The following BORCS5 variants were observed in gnomAD, a reference collection of about 807,000 sequenced individuals.
BORCS5 encodes the protein BLOC-1-related complex subunit 5.
Under a neutral mutation model 22.1 loss-of-function variants are expected in BORCS5, and 17 were observed. The ratio of observed to expected loss-of-function variants is 0.77; its 90% CI spans 0.53 to 1.15. BORCS5 has a LOEUF of 1.15. BORCS5 is among the 50% of genes most tolerant of loss of function. BORCS5 has a pLI of 0.00. For synonymous variants in BORCS5, 117 were observed against 99.8 expected, an observed-to-expected ratio of 1.17 and a Z score of -1.03; for missense variants, 247 against 253.2, an observed-to-expected ratio of 0.98 and a Z score of 0.17.
chr12:12,461,740 A>G (rs1213654884), intron 3 of BORCS5, among the ~76,000 whole-genome samples: 2 of 152,164 alleles, frequency 1.3e-5, no homozygotes, highest in African/African-American at 4.8e-5. Flanking sequence ...GAGAAGCAAC[A>G]AAGAGTGCAT....
chr12:12,437,135 A>T (rs1221175803), intron 3 of BORCS5, among the ~76,000 whole-genome samples: 3 of 152,164 alleles, frequency 2.0e-5, no homozygotes, highest in Admixed American at 6.5e-5. Context: ...CATAATTCCC[A>T]CATGTCATGG....
intron 2 of BORCS5, among the ~76,000 whole-genome samples, chr12:12,423,438 CTTTTTTTTTTTTT>C (rs939681383): frequency 0.023 from 1,323 of 57,286 alleles, 37 homozygotes; most frequent in African/African-American, 0.081. Context: ...ACTCCCTCAG[CTTTTTTTTTTTTT>C]TTTTTTTTTT....
intron 2 of BORCS5, among the ~76,000 whole-genome samples, chr12:12,385,514 CTTTT>C (rs568909483): frequency 7.0e-6 from 1 of 143,398 alleles, no homozygotes; most frequent in Non-Finnish European, 1.5e-5. Flanking sequence ...TACCCAAGTT[CTTTT>C]TTTTTTTTTG....
intron 2 of BORCS5, among the ~76,000 whole-genome samples, chr12:12,389,174 G>C (rs1345676487): frequency 1.3e-5 from 1 of 79,844 alleles, no homozygotes; most frequent in Admixed American, 1.7e-4. Flanking sequence ...TTTCATTCTT[G>C]TCGCCCAGGC....
chr12:12,358,062 T>C (rs940571403), intron 1 of BORCS5, among the ~76,000 whole-genome samples: 8 of 152,246 alleles, frequency 5.3e-5, no homozygotes, highest in African/African-American at 1.9e-4. Context: ...CCATTGTTGT[T>C]CTCTGTCCAT....
At chr12:12,364,894 G>A (rs1009621960) in intron 2 of BORCS5, among the ~76,000 whole-genome samples, 1 of 152,184 alleles carries the variant, frequency 6.6e-6, no homozygotes, top group Non-Finnish European at 1.5e-5. Context: ...TTGAGCCCTA[G>A]AGGTGGAGGT....
chr12:12,407,142 C>T (rs1173888587), intron 2 of BORCS5, among the ~76,000 whole-genome samples: 7 of 152,202 alleles, frequency 4.6e-5, no homozygotes, highest in African/African-American at 1.7e-4. Flanking sequence ...GAGTGAGGGC[C>T]TTCTCACTTT....
chr12:12,425,287 C>T (rs529601401), intron 2 of BORCS5, among the ~76,000 whole-genome samples: 4 of 152,314 alleles, frequency 2.6e-5, no homozygotes, highest in Non-Finnish European at 4.4e-5. Flanking sequence ...TCAATAGACT[C>T]TAGAGCTACA....
chr12:12,388,268 C>G (rs1458526805), intron 2 of BORCS5, among the ~76,000 whole-genome samples: 1 of 151,114 alleles, frequency 6.6e-6, no homozygotes, highest in Non-Finnish European at 1.5e-5. Context: ...AAACCACATC[C>G]TAAGACCACA....
chr12:12,434,336 CAT>C (rs1205783595), intron 2 of BORCS5, among the ~76,000 whole-genome samples: 4 of 148,428 alleles, frequency 2.7e-5, no homozygotes, highest in Non-Finnish European at 5.9e-5. Context: ...GACCTACTGT[CAT>C]ATGTATTCTG....
chr12:12,448,416 A>G (rs1942833052), intron 3 of BORCS5, among the ~76,000 whole-genome samples: 1 of 151,688 alleles, frequency 6.6e-6, no homozygotes, highest in African/African-American at 2.4e-5. Flanking sequence ...AGTTTTAACA[A>G]TGTTGGCCAG....
intron 3 of BORCS5, among the ~76,000 whole-genome samples, chr12:12,454,408 T>C (rs1425087225): frequency 6.6e-6 from 1 of 152,262 alleles, no homozygotes; most frequent in Non-Finnish European, 1.5e-5. Flanking sequence ...CTGCTTTTGA[T>C]TGCACTTTTC....
At chr12:12,381,898 T>C (rs1316982843) in intron 2 of BORCS5, among the ~76,000 whole-genome samples, 1 of 151,440 alleles carries the variant, frequency 6.6e-6, no homozygotes, top group African/African-American at 2.4e-5. Context: ...TGTTGAATTG[T>C]GTATTTTTCC....
At chr12:12,464,115 C>A (rs576068980) in intron 3 of BORCS5, among the ~76,000 whole-genome samples, 1 of 152,186 alleles carries the variant, frequency 6.6e-6, no homozygotes, top group South Asian at 2.1e-4. Context: ...CTCACTACTT[C>A]CAAAGTGCTG....
chr12:12,430,042 T>G (rs1469248471), intron 2 of BORCS5, among the ~76,000 whole-genome samples: 2 of 152,156 alleles, frequency 1.3e-5, no homozygotes, highest in African/African-American at 4.8e-5. Flanking sequence ...CAAGAACCTT[T>G]TATGTACTAG....
At chr12:12,462,218 C>T (rs1943119248) in intron 3 of BORCS5, among the ~76,000 whole-genome samples, 1 of 152,214 alleles carries the variant, frequency 6.6e-6, no homozygotes, top group South Asian at 2.1e-4. Flanking sequence ...TGATAATGTT[C>T]TCCTTGCAGA....
intron 3 of BORCS5, among the ~76,000 whole-genome samples, chr12:12,457,024 T>C (rs1207155283): frequency 6.6e-6 from 1 of 152,166 alleles, no homozygotes; most frequent in Non-Finnish European, 1.5e-5. Context: ...TCTGCTTTCA[T>C]GTACTACATT....
chr12:12,420,585 G>C (rs1942090398), intron 2 of BORCS5, among the ~76,000 whole-genome samples: 1 of 152,228 alleles, frequency 6.6e-6, no homozygotes, highest in Admixed American at 6.5e-5. Flanking sequence ...TGTGAAGAAA[G>C]TCATTGGTAG....
At chr12:12,421,761 C>A (rs1372611957) in intron 2 of BORCS5, among the ~76,000 whole-genome samples, 2 of 152,270 alleles carry the variant, frequency 1.3e-5, no homozygotes, top group East Asian at 3.9e-4. Context: ...GATTCATCTT[C>A]TTCCTGGTTT....
Sources: allele counts gnomAD v4.1 joint callset (sites outside exome capture counted in the v4.1 genomes callset), GRCh38; gene constraint gnomAD v4.1.1; transcripts MANE v1.5; gene names NCBI Gene and HGNC (gene_info 2026-07-23, HGNC 2026-07-21).